ZNF547: variants seen among roughly 807,000 people sequenced by gnomAD.
ZNF547 encodes the protein zinc finger protein 547.
ZNF547 carries 4 observed loss-of-function variants against 7.7 expected under a neutral mutation model. That is an observed-to-expected ratio of 0.52 (90% CI 0.26 to 1.20). ZNF547 has a LOEUF of 1.20. ZNF547 is among the 50% of genes most tolerant of loss of function. The probability of loss-of-function intolerance (pLI) is 0.14; values close to 1 mark genes in which losing one functional copy is unlikely to be tolerated. For synonymous variants in ZNF547, 166 were observed against 166.2 expected (o/e 1.00, Z 0.01); for missense variants, 449 against 485.8 (o/e 0.92, Z 0.71).
rs61547238 is a variant in ZNF547 at position 57,369,899 on chromosome 19, CTT to C, written c.24+1343_24+1344del. On this transcript the variant is annotated intron_variant, in intron 2 of 3. Coordinates refer to ENST00000282282, the MANE Select transcript of ZNF547 (RefSeq NM_173631.4). ...AAAGAAGTTTAATTGACTCACAGTTCTTTTTTTTTTTTTTTTTTTTTTTTGAG... is the reference window on the plus strand; with the variant it reads ...AAAGAAGTTTAATTGACTCACAGTTCTTTTTTTTTTTTTTTTTTTTTTGAG... Among the ~76,000 whole-genome samples the C allele has an allele frequency of 2.5e-4, 13 of 51,676 alleles. No individual in the cohort carries two copies. The South Asian group carries it at 2.7e-3, about 11-fold the overall frequency. 33.9% of individuals were successfully genotyped at this position (51,676 alleles called of 152,430 possible).
Position 57,379,103 on chromosome 19 carries a change from A to C in ZNF547, c.*918A>C, listed in dbSNP as rs943499765. On this transcript the variant is annotated 3_prime_UTR_variant, in exon 4 of 4. Transcript: ENST00000282282. ...ATTCATGGACACTTGGGTTACTTCT[A>C]CCTCTGGCTATTGTGAATATTGCTA... 1.3e-5 allele frequency: 2 copies of C among 157,534 alleles called. No individual in the cohort carries two copies. Among genetic ancestry groups the C allele is most frequent in the Non-Finnish European group, 2.8e-5 (2 of 71,596 alleles). 9.8% of individuals were successfully genotyped at this position (157,534 alleles called of 1,614,324 possible).
At chr19:57,372,054 T>G in intron 3 of ZNF547, 146 bp downstream of exon 3, 1 of 1,300,060 alleles carries the variant, frequency 7.7e-7, no homozygotes, top group Non-Finnish European at 1.0e-6. Flanking sequence ...GAGTCAGGAC[T>G]GCAATATGTG....
chr19:57,365,188 TCTC>T (rs2088457910), intron 1 of ZNF547: 1 of 1,592,308 alleles, frequency 6.3e-7, no homozygotes, highest in African/African-American at 1.3e-5. Context: ...TGAACCCAAT[TCTC>T]CTATTCGATC....
At chr19:57,376,396 G>A in intron 3 of ZNF547, among the ~76,000 whole-genome samples, 1 of 152,160 alleles carries the variant, frequency 6.6e-6, no homozygotes, top group Non-Finnish European at 1.5e-5. Flanking sequence ...ATAATGAGAT[G>A]CAGATGAACT....
chr19:57,376,156 C>T (rs1170854625), intron 3 of ZNF547, among the ~76,000 whole-genome samples: 1 of 152,136 alleles, frequency 6.6e-6, no homozygotes, highest in African/African-American at 2.4e-5. Context: ...GAGCAAGACT[C>T]AGTCTCAAAA....
chr19:57,373,116 G>T (rs2088516195), intron 3 of ZNF547, among the ~76,000 whole-genome samples: 1 of 152,184 alleles, frequency 6.6e-6, no homozygotes, highest in Non-Finnish European at 1.5e-5. Context: ...AAGGAAAGAG[G>T]TTAATTGACT....
intron 2 of ZNF547, among the ~76,000 whole-genome samples, chr19:57,368,927 C>T (rs529234702): frequency 1.2e-4 from 19 of 152,204 alleles, no homozygotes; most frequent in African/African-American, 4.6e-4. Flanking sequence ...TAGGGAACTG[C>T]AAGTGTCTGT....
chr19:57,367,072 TCAGA>T (rs574478828), intron 1 of ZNF547, among the ~76,000 whole-genome samples: 28 of 152,326 alleles, frequency 1.8e-4, no homozygotes, highest in Admixed American at 5.2e-4. Context: ...TTCCTTTCCC[TCAGA>T]CAATCAACTG....
At chr19:57,371,929 C>T (rs200023697) in intron 3 of ZNF547, 21 bp downstream of exon 3, 1 of 1,583,204 alleles carries the variant, frequency 6.3e-7, no homozygotes, top group Non-Finnish European at 8.6e-7. Flanking sequence ...CACACTTGCC[C>T]AGTGTCCTGG....
intron 1 of ZNF547, chr19:57,364,602 G>A (rs1461077659): frequency 5.2e-6 from 3 of 581,194 alleles, no homozygotes. Flanking sequence ...TTAGCCGGGG[G>A]TGGTGACGCG....
chr19:57,364,103 C>T (rs1228204856), intron 1 of ZNF547: 2 of 152,688 alleles, frequency 1.3e-5, no homozygotes, highest in East Asian at 3.9e-4. Context: ...CAGAAGAGGC[C>T]ACTGCAGTGG....
intron 3 of ZNF547, among the ~76,000 whole-genome samples, chr19:57,374,736 C>A (rs2088525988): frequency 6.6e-6 from 1 of 152,172 alleles, no homozygotes; most frequent in South Asian, 2.1e-4. Flanking sequence ...CAAGAAGCTG[C>A]CATTCTCTTT....
intron 3 of ZNF547, among the ~76,000 whole-genome samples, chr19:57,373,308 G>A (rs1382040937): frequency 2.0e-5 from 3 of 152,254 alleles, no homozygotes; most frequent in East Asian, 1.9e-4. Flanking sequence ...CGGCATGGGG[G>A]AAACTGTTCC....
rs1488834328 is a variant in ZNF547 at position 57,377,702 on chromosome 19, C to T, written c.726C>T (p.Cys242=). The T allele has an allele frequency of 6.2e-7, 1 of 1,612,618 alleles. No individual in the cohort carries two copies. The highest frequency in any genetic ancestry group is 1.1e-5 in the South Asian group (1 of 91,052). ...TIHSGERPYE[C]SECGKLFMWS... is the part of the protein sequence containing the mutation. ...ACTCTGGAGAAAGGCCTTATGAGTG[C>T]AGTGAATGTGGGAAATTGTTTATGT... The change falls in exon 4 of 4, where the codon TGC becomes TGT. Residue 242 remains cysteine, a synonymous_variant. Coordinates refer to ENST00000282282, the MANE Select transcript of ZNF547 (RefSeq NM_173631.4).
intron 1 of ZNF547, chr19:57,365,254 T>C: frequency 6.4e-7 from 1 of 1,557,024 alleles, no homozygotes; most frequent in Non-Finnish European, 8.7e-7. Context: ...CCTTTTAAGC[T>C]GAATGGAGAA....
chr19:57,373,277 A>C (rs2088517217), intron 3 of ZNF547, among the ~76,000 whole-genome samples: 1 of 152,104 alleles, frequency 6.6e-6, no homozygotes, highest in Non-Finnish European at 1.5e-5. Flanking sequence ...TTTCATGAGA[A>C]TTTACTCAGT....
intron 2 of ZNF547, among the ~76,000 whole-genome samples, chr19:57,370,424 G>T (rs540991405): frequency 6.6e-6 from 1 of 152,216 alleles, no homozygotes; most frequent in South Asian, 2.1e-4. Context: ...TGAATTGGAT[G>T]CTGAGCGTAT....
At chr19:57,370,226 G>C (rs2088496595) in intron 2 of ZNF547, among the ~76,000 whole-genome samples, 1 of 152,078 alleles carries the variant, frequency 6.6e-6, no homozygotes, top group Non-Finnish European at 1.5e-5. Context: ...GCATAACTCG[G>C]AGGCCTCAGG....
chr19:57,364,528 G>A, intron 1 of ZNF547: 1 of 426,516 alleles, frequency 2.3e-6, no homozygotes, highest in Non-Finnish European at 4.3e-6. Flanking sequence ...GGATCACAAG[G>A]TCAGGCGTTC....
Sources: allele counts gnomAD v4.1 joint callset (sites outside exome capture counted in the v4.1 genomes callset), GRCh38; gene constraint gnomAD v4.1.1; transcripts MANE v1.5; gene names NCBI Gene and HGNC (gene_info 2026-07-23, HGNC 2026-07-21).